Variants in DNAH8 observed in about 807,000 individuals in gnomAD.
DNAH8 encodes axonemal beta dynein heavy chain 8.
A neutral mutation model predicts 562.1 loss-of-function variants in DNAH8; 382 were observed. That is an observed-to-expected ratio of 0.68 (90% CI 0.63 to 0.74). DNAH8 has a LOEUF of 0.74. DNAH8 is among the 30% of genes least tolerant of loss of function. The pLI, the probability that DNAH8 is intolerant of heterozygous loss-of-function variation, is 0.00. For synonymous variants in DNAH8, 1,881 were observed against 1,919.4 expected, an observed-to-expected ratio of 0.98 and a Z score of 0.52; for missense variants, 5,203 against 5,620.4, an observed-to-expected ratio of 0.93 and a Z score of 2.37.
intron 84 of DNAH8, among the ~76,000 whole-genome samples, 163 bp from the exon 85 acceptor site, chr6:38,974,211 T>A (rs1263104221): frequency 6.6e-6 from 1 of 152,208 alleles, no homozygotes; most frequent in Non-Finnish European, 1.5e-5. Flanking sequence ...TCAAAGGCAA[T>A]GCTCATATAA....
chr6:38,912,375 G>A (rs1234888431), intron 66 of DNAH8, among the ~76,000 whole-genome samples: 1 of 152,122 alleles, frequency 6.6e-6, no homozygotes, highest in Non-Finnish European at 1.5e-5. Flanking sequence ...TGAGGTGGGA[G>A]GATCACTTGA....
chr6:38,924,098 G>A lies in DNAH8; in HGVS notation c.10898G>A (p.Arg3633Lys), dbSNP rs773701733. 1.4e-5 allele frequency: 22 copies of A among 1,613,940 alleles called. No homozygotes were observed. The highest frequency in any genetic ancestry group is 1.5e-5 in the Non-Finnish European group (18 of 1,179,944). ...LLKDQWEMEL[R>K]ARKIPFTENL... ...AAAGATCAATGGGAAATGGAGTTGAGAGCACGGAAAATTCCTTTCACAGAA... is the reference window on the plus strand; with the variant it reads ...AAAGATCAATGGGAAATGGAGTTGAAAGCACGGAAAATTCCTTTCACAGAA... Residue 3633 changes from arginine to lysine, a missense_variant, in exon 73 of 93, where the codon AGA (arginine) becomes AAA (lysine). Around this residue, in one of 6 missense-constraint regions of DNAH8, gnomAD observed 1,399 missense variants for 1,518.4 expected, o/e 0.92. Transcript: ENST00000327475.
chr6:38,853,038 G>A (rs75941865), intron 40 of DNAH8, 148 bp from the exon 41 acceptor site: 12,033 of 688,266 alleles, frequency 0.017, 607 homozygotes, highest in East Asian at 0.13. Flanking sequence ...ATAGTATTAG[G>A]TGATTTTACC....
At chr6:38,845,544 C>A in intron 35 of DNAH8, 30 bp from the exon 36 acceptor site, 1 of 1,574,498 alleles carries the variant, frequency 6.4e-7, no homozygotes, top group Non-Finnish European at 8.7e-7. Context: ...TTGAAAACAT[C>A]ATGACATATA....
intron 32 of DNAH8, among the ~76,000 whole-genome samples, chr6:38,836,596 G>A (rs1397343630): frequency 6.6e-6 from 1 of 151,454 alleles, no homozygotes; most frequent in East Asian, 1.9e-4. Context: ...CGAGGTGTGA[G>A]CCAAACAGGC....
At chr6:38,759,536 G>A (rs75628868) in intron 10 of DNAH8, among the ~76,000 whole-genome samples, 4,599 of 152,110 alleles carry the variant, frequency 0.03, 222 homozygotes, top group African/African-American at 0.099. Flanking sequence ...TGCCATATAT[G>A]TCCCACATTG....
intron 23 of DNAH8, 47 bp from the exon 24 acceptor site, chr6:38,807,563 G>T: frequency 9.1e-7 from 1 of 1,104,130 alleles, no homozygotes; most frequent in Non-Finnish European, 1.2e-6. Context: ...GATGCTCTAG[G>T]TTTTTTGGAG....
In DNAH8 at chr6:38,722,761, A is replaced by G. The variant is rs768887764; in HGVS notation, c.-34-15A>G. The G allele has an allele frequency of 1.0e-4, 152 of 1,510,294 alleles. No individual in the cohort carries two copies. Among genetic ancestry groups the G allele is most frequent in the Non-Finnish European group, 1.2e-4 (131 of 1,130,612 alleles). 93.6% of individuals were successfully genotyped at this position (1,510,294 alleles called of 1,614,324 possible). On this transcript the variant is annotated splice_polypyrimidine_tract_variant and intron_variant, in intron 1 of 92. Transcript: ENST00000327475. ...ATTTACTGTAGTTTTAAACGAACCT[A>G]TGTTATAATTCTAGGTTTCGAAGTA... is the stretch of plus-strand genomic sequence containing the variant.
chr6:38,966,340 A>G (rs2150677584), intron 82 of DNAH8, among the ~76,000 whole-genome samples: 1 of 152,356 alleles, frequency 6.6e-6, no homozygotes, highest in African/African-American at 2.4e-5. Context: ...AGATTTATTC[A>G]TTAATCAAAA....
chr6:38,957,075 A>T (rs1762294807), intron 82 of DNAH8, among the ~76,000 whole-genome samples: 1 of 152,222 alleles, frequency 6.6e-6, no homozygotes, highest in African/African-American at 2.4e-5. Flanking sequence ...ACACAGACTG[A>T]AAATGAAGGA....
In DNAH8 at chr6:38,845,692, T is replaced by C. The variant is rs1775239777; in HGVS notation, c.4964T>C (p.Leu1655Pro). The C allele has an allele frequency of 1.2e-6, 2 of 1,614,002 alleles. No homozygotes were observed. Among genetic ancestry groups the C allele is most frequent in the South Asian group, 2.2e-5 (2 of 91,072 alleles). ...FAAFKGKGEL[L>P]LKGTESGEII... The stretch of plus-strand genomic sequence containing the variant: ...GCATTTAAGGGAAAAGGAGAGCTCC[T>C]GCTCAAAGGAACCGAATCGGGAGAA... The change falls in exon 36 of 93, where the codon CTG (leucine) becomes CCG (proline). Residue 1655 changes from leucine to proline, a missense_variant. Leu to Pro is a moderately conservative substitution (Grantham distance 98, BLOSUM62 -3). Coordinates refer to ENST00000327475, the MANE Select transcript of DNAH8 (RefSeq NM_001206927.2).
chr6:38,839,488 G>A (rs943460229), intron 33 of DNAH8, among the ~76,000 whole-genome samples: 1 of 151,422 alleles, frequency 6.6e-6, no homozygotes, highest in African/African-American at 2.4e-5. Context: ...CAGGTAGTGG[G>A]GATTATAGGT....
intron 91 of DNAH8, among the ~76,000 whole-genome samples, chr6:39,023,867 A>G (rs1767096645): frequency 6.6e-6 from 1 of 152,204 alleles, no homozygotes; most frequent in African/African-American, 2.4e-5. Context: ...TATATTTAAC[A>G]TTTTCCTTTC....
intron 82 of DNAH8, among the ~76,000 whole-genome samples, chr6:38,970,939 A>G (rs1763295920): frequency 6.6e-6 from 1 of 152,176 alleles, no homozygotes; most frequent in Non-Finnish European, 1.5e-5. Context: ...CTCTGGAATT[A>G]TGACATTTCT....
chr6:38,974,243 A>C (rs967749832), intron 84 of DNAH8, 131 bp from the exon 85 acceptor site: 1 of 726,808 alleles, frequency 1.4e-6, no homozygotes, highest in Non-Finnish European at 2.2e-6. Flanking sequence ...TAATATTCCA[A>C]AATCTGAAAT....
chr6:38,872,881 G>A, intron 50 of DNAH8, 25 bp from the exon 51 acceptor site: 2 of 1,609,114 alleles, frequency 1.2e-6, no homozygotes, highest in Non-Finnish European at 1.7e-6. Flanking sequence ...AGTGAAAAGT[G>A]ATTTTCTGTT....
chr6:38,862,516 G>A (rs369427056), intron 44 of DNAH8, 58 bp downstream of exon 44: 56 of 1,531,670 alleles, frequency 3.7e-5, no homozygotes, highest in South Asian at 3.4e-4. Flanking sequence ...GCCTTTTAAT[G>A]TTATTTTCTG....
At chr6:38,823,846 ATATAT>A (rs1468630449) in intron 28 of DNAH8, among the ~76,000 whole-genome samples, 158 bp downstream of exon 28, 3 of 152,002 alleles carry the variant, frequency 2.0e-5, no homozygotes, top group Non-Finnish European at 2.9e-5. Context: ...TTATACCAAG[ATATAT>A]TATAATATTA....
intron 91 of DNAH8, among the ~76,000 whole-genome samples, chr6:39,026,101 T>C (rs1277201142): frequency 6.6e-6 from 1 of 152,258 alleles, no homozygotes; most frequent in Non-Finnish European, 1.5e-5. Context: ...CTAGACTAAA[T>C]GAAATTGTTC....
Sources: gnomAD v4.1 joint callset for allele counts (sites outside exome capture counted in the v4.1 genomes callset) on GRCh38, gnomAD v4.1.1 for gene constraint, gnomAD v4.1.1 regional missense constraint, MANE v1.5 for transcripts, NCBI Gene and HGNC (gene_info 2026-07-23, HGNC 2026-07-21) for gene names.